PIK3C2A: variants seen among roughly 807,000 people sequenced by gnomAD.
The protein encoded by PIK3C2A is phosphatidylinositol-4-phosphate 3-kinase catalytic subunit type 2 alpha.
PIK3C2A carries 97 observed loss-of-function variants against 204.5 expected under a neutral mutation model. The ratio of observed to expected loss-of-function variants is 0.47; its 90% confidence interval spans 0.40 to 0.56. The LOEUF (loss-of-function observed/expected upper bound fraction) is 0.56, where lower values mean the gene tolerates loss of function less well. Among genes scored for constraint, PIK3C2A ranks in the 20% least tolerant of loss-of-function variants. PIK3C2A has a pLI of 0.00. For synonymous variants in PIK3C2A, 653 were observed against 664.4 expected (o/e 0.98, Z 0.26); for missense variants, 1,735 against 1,969.2 (o/e 0.88, Z 2.25).
Position 17,169,436 on chromosome 11 carries a change from T to C in PIK3C2A, c.306A>G (p.Lys102=). The part of the protein sequence containing the change: ...VEKLTQAELE[K]LLLDDSFETK... ...TCTCGAAACTGTCATCCAGCAATAG[T>C]TTCTCAAGTTCAGCTTGGGTGAGCT... Residue 102 remains lysine (K), a synonymous_variant, in exon 2 of 33, where the codon AAA becomes AAG. Coordinates refer to ENST00000691414, the MANE Select transcript of PIK3C2A (RefSeq NM_002645.4). 6.2e-7 allele frequency: 1 copy of C among 1,614,166 alleles called. No homozygotes were observed. The highest frequency in any genetic ancestry group is 2.2e-5 in the East Asian group (1 of 44,882).
Position 17,111,551 on chromosome 11 carries a change from T to G in PIK3C2A, c.3415-990A>C, listed in dbSNP as rs936622641. Among the ~76,000 whole-genome samples, 5 of 152,110 alleles carry G rather than the reference T, an allele frequency of 3.3e-5. No homozygotes were observed. In the East Asian group the frequency reaches 9.7e-4, roughly 29 times the overall value. ...ATTCTGAGACTAGCCAAGAAAATTA[T>G]GGAAAAGAATAAGGAGAATTTGCCT... On this transcript the variant is annotated intron_variant, in intron 21 of 32. Transcript: ENST00000691414.
chr11:17,099,903 G>A lies in PIK3C2A; in HGVS notation c.4075C>T (p.Gln1359Ter). The change falls in exon 26 of 33, where the codon CAA (glutamine) becomes TAA (stop). Residue 1359 changes from glutamine to a stop codon, truncating the protein, a stop_gained. Transcript: ENST00000691414. LOFTEE classifies it high-confidence loss of function. The part of the protein sequence containing the change: ...QDLKYVRDAL[Q>*]PQTTDAEATI... ...GCTTCTGCGTCTGTAGTTTGGGGTT[G>A]AAGTGCATCTCTAACGTATTTCAAA... 6.3e-7 allele frequency: 1 copy of A among 1,593,318 alleles called. No homozygotes were observed. Among genetic ancestry groups the A allele is most frequent in the South Asian group, 1.1e-5 (1 of 90,546 alleles).
rs566777614 is a variant in PIK3C2A at position 17,113,761 on chromosome 11, GAC to G, written c.3321+598_3321+599del. Among the ~76,000 whole-genome samples, 141 of 130,236 alleles carry G rather than the reference GAC, an allele frequency of 1.1e-3. 1 individual carries two copies. The highest frequency in any genetic ancestry group is 3.9e-3 in the African/African-American group (133 of 33,806). 85.4% of individuals were successfully genotyped at this position (130,236 alleles called of 152,430 possible). ...TGCACCATTGCATTCCAGCCTGAGT[GAC>G]AGAGCAAGACTCCATCTCAAAAAAA... On this transcript the variant is annotated intron_variant, in intron 20 of 32. Coordinates refer to ENST00000691414, the MANE Select transcript of PIK3C2A (RefSeq NM_002645.4).
intron 1 of PIK3C2A, among the ~76,000 whole-genome samples, chr11:17,175,993 C>A (rs1851324717): frequency 7.6e-6 from 1 of 132,174 alleles, no homozygotes; most frequent in African/African-American, 2.8e-5. Context: ...AGGGTACTTC[C>A]ATGGAACTGA....
chr11:17,099,471 C>T (rs1374263430), intron 26 of PIK3C2A, among the ~76,000 whole-genome samples: 3 of 152,158 alleles, frequency 2.0e-5, no homozygotes, highest in Non-Finnish European at 2.9e-5. Flanking sequence ...CGCTTGAACC[C>T]AGGAAGCGAG....
chr11:17,183,286 C>T (rs1053311363), intron 1 of PIK3C2A, among the ~76,000 whole-genome samples: 5 of 152,176 alleles, frequency 3.3e-5, no homozygotes. Flanking sequence ...CAGATATCAA[C>T]AATTCATAAG....
At chr11:17,145,592 G>A (rs1371688665) in intron 8 of PIK3C2A, 76 bp downstream of exon 8, 1 of 826,156 alleles carries the variant, frequency 1.2e-6, no homozygotes, top group Admixed American at 2.2e-5. Context: ...TTAATCCAAT[G>A]CCAACACTAC....
intron 32 of PIK3C2A, 151 bp downstream of exon 32, chr11:17,091,183 C>T (rs959401870): frequency 7.7e-6 from 5 of 652,072 alleles, no homozygotes; most frequent in African/African-American, 5.5e-5. Flanking sequence ...GGGCTTAATA[C>T]CTAGGTGATA....
At chr11:17,138,408 C>G in intron 8 of PIK3C2A, 1 of 366,336 alleles carries the variant, frequency 2.7e-6, no homozygotes, top group Non-Finnish European at 5.2e-6. Context: ...CTATGTTCTC[C>G]TACCTGACAC....
At chr11:17,138,052 T>C in intron 8 of PIK3C2A, 1 of 655,894 alleles carries the variant, frequency 1.5e-6, no homozygotes, top group Non-Finnish European at 2.8e-6. Flanking sequence ...AAGGAAAGCA[T>C]GCTTGATCCT....
rs1850234435 is a variant in PIK3C2A, at chr11:17,146,089, T to A, written c.1561-147A>T. The A allele has an allele frequency of 1.5e-5, 9 of 597,826 alleles. No homozygotes were observed. The East Asian group carries it at 2.5e-4, about 17-fold the overall frequency. The allele number at this position is 597,826 out of a possible 1,614,324, so 37.0% of individuals were successfully genotyped here. On this transcript the variant is annotated intron_variant, in intron 6 of 32. Coordinates refer to ENST00000691414, the MANE Select transcript of PIK3C2A (RefSeq NM_002645.4). The stretch of plus-strand genomic sequence containing the variant: ...ATAAAATTCTATCAGAATTAAATAT[T>A]ATTTGTAACTGACTCAGAAAAAAAG...
At chr11:17,163,876 G>C (rs1321053938) in intron 2 of PIK3C2A, among the ~76,000 whole-genome samples, 2 of 148,114 alleles carry the variant, frequency 1.4e-5, no homozygotes, top group African/African-American at 2.5e-5. Flanking sequence ...TCCTGAATTG[G>C]TTTGAAAATG....
intron 11 of PIK3C2A, among the ~76,000 whole-genome samples, chr11:17,132,696 G>T (rs1210448883): frequency 6.6e-6 from 1 of 152,206 alleles, no homozygotes; most frequent in Non-Finnish European, 1.5e-5. Flanking sequence ...ACTGAATAAT[G>T]TATTTATTCA....
intron 13 of PIK3C2A, among the ~76,000 whole-genome samples, chr11:17,125,794 C>G (rs112781805): frequency 3.3e-5 from 5 of 151,662 alleles, no homozygotes; most frequent in African/African-American, 7.3e-5. Context: ...GCCACCATAA[C>G]GGGCTAGCTA....
chr11:17,184,706 G>C (rs1851693813), intron 1 of PIK3C2A, among the ~76,000 whole-genome samples: 1 of 152,094 alleles, frequency 6.6e-6, no homozygotes, highest in South Asian at 2.1e-4. Flanking sequence ...TGGCCAAGAG[G>C]AGAGGATCCT....
rs771107957 is a variant in PIK3C2A, at chr11:17,102,812, T to C, written c.3701A>G (p.Tyr1234Cys). The change falls in exon 24 of 33, where the codon TAT becomes TGT. Residue 1234 changes from tyrosine (Y) to cysteine (C), a missense_variant. Tyr to Cys is a radical substitution (Grantham distance 194). Transcript: ENST00000691414. ...GGCTACACAGCATCCAGCACAGGAA[T>C]AGATAAAGTTCTCTGAAGCCTATAA... ...EYEKASENFI[Y>C]SCAGCCVATY... is the part of the protein sequence containing the mutation. 3.1e-6 allele frequency: 5 copies of C among 1,598,300 alleles called. No individual in the cohort carries two copies. The highest frequency in any genetic ancestry group is 1.8e-5 in the Admixed American group (1 of 56,288).
In PIK3C2A at chr11:17,101,350, A is replaced by C; in HGVS notation, c.3936T>G (p.Phe1312Leu). 1 of 1,600,448 alleles carries C rather than the reference A, an allele frequency of 6.2e-7. No homozygotes were observed. The highest frequency in any genetic ancestry group is 8.5e-7 in the Non-Finnish European group (1 of 1,169,618). ...TGTAGGCCTGACAGCAGAGGTCCACAAACAACTGAAAACGAATGGTGGGCT... is the reference window on the plus strand; with the variant it reads ...TGTAGGCCTGACAGCAGAGGTCCACCAACAACTGAAAACGAATGGTGGGCT... The part of the protein sequence containing the change: ...GEKPTIRFQL[F>L]VDLCCQAYNL... The change falls in exon 25 of 33, where the codon TTT becomes TTG. Residue 1312 changes from phenylalanine (F) to leucine (L), a missense_variant. Coordinates refer to ENST00000691414, the MANE Select transcript of PIK3C2A (RefSeq NM_002645.4).
In PIK3C2A at chr11:17,129,338, A is replaced by AGCTTCTG. The variant is rs774119503; in HGVS notation, c.2354_2360dup (p.Leu788ArgfsTer12). On this transcript the variant is annotated frameshift_variant, in exon 13 of 33. Coordinates refer to ENST00000691414, the MANE Select transcript of PIK3C2A (RefSeq NM_002645.4). LOFTEE classifies it high-confidence loss of function. ...AAAGAGGTAAAGAAACTTTGCCCAA[A>AGCTTCTG]GCTTCTGGTCCCTTTCTCTGCTTAT... 10 of 1,613,900 alleles carry AGCTTCTG rather than the reference A, an allele frequency of 6.2e-6. No homozygotes were observed. The highest frequency in any genetic ancestry group is 8.5e-6 in the Non-Finnish European group (10 of 1,179,852).
rs983191637 is a variant in PIK3C2A, at chr11:17,090,026, A to G, written c.4879-106T>C. On this transcript the variant is annotated intron_variant, in intron 32 of 32. Transcript: ENST00000691414. ...GAATATTAGCCAAAGAGTGACCACA[A>G]TGAGTGACACTGATTATGACACATC... 4 of 781,136 alleles carry G rather than the reference A, an allele frequency of 5.1e-6. No homozygotes were observed. The Admixed American group carries it at 7.0e-5, about 14-fold the overall frequency. The allele number at this position is 781,136 out of a possible 1,614,324, so 48.4% of individuals were successfully genotyped here. A position where few individuals can be genotyped will look rare whatever the true frequency, so the allele number is the denominator to read the frequency against.
Sources: allele counts gnomAD v4.1 joint callset (sites outside exome capture counted in the v4.1 genomes callset), GRCh38; gene constraint gnomAD v4.1.1; transcripts MANE v1.5; gene names NCBI Gene and HGNC (gene_info 2026-07-23, HGNC 2026-07-21).